The following XPO6 variants were observed in gnomAD, a reference collection of about 807,000 sequenced individuals.
XPO6 encodes the protein exportin 6, also known as exportin-6.
A neutral mutation model predicts 130.0 loss-of-function variants in XPO6; 3 were observed. The ratio of observed to expected loss-of-function variants is 0.02; its 90% CI spans 0.01 to 0.06. The LOEUF (loss-of-function observed/expected upper bound fraction) is 0.06. Ranked by LOEUF, XPO6 falls within the 10% of genes least tolerant of loss-of-function variation. The pLI, the probability that XPO6 is intolerant of heterozygous loss-of-function variation, is 1.00. For missense variants in XPO6, 970 were observed against 1,393.0 expected (o/e 0.70, Z 4.83); for synonymous variants, 524 against 548.9 (o/e 0.95, Z 0.63).
At chr16:28,118,503 G>C (rs891335375) in intron 14 of XPO6, among the ~76,000 whole-genome samples, 2 of 152,092 alleles carry the variant, frequency 1.3e-5, no homozygotes, top group African/African-American at 2.4e-5. Flanking sequence ...TGGGATTACA[G>C]GTCCATGCCA....
chr16:28,146,981 G>A (rs376427646), intron 8 of XPO6, among the ~76,000 whole-genome samples: 8 of 152,124 alleles, frequency 5.3e-5, no homozygotes, highest in Non-Finnish European at 1.0e-4. Context: ...ATGCATTCAG[G>A]TTCAACTTGT....
chr16:28,205,960 C>T (rs1314982471), intron 1 of XPO6, among the ~76,000 whole-genome samples: 3 of 149,396 alleles, frequency 2.0e-5, no homozygotes, highest in African/African-American at 7.4e-5. Context: ...ATCGCTTGAA[C>T]CCAGGAGGTA....
intron 12 of XPO6, among the ~76,000 whole-genome samples, chr16:28,129,952 C>A (rs574808606): frequency 1.3e-5 from 2 of 152,284 alleles, no homozygotes; most frequent in East Asian, 3.9e-4. Flanking sequence ...AGGGGAACAC[C>A]ACCAATGAGG....
intron 1 of XPO6, among the ~76,000 whole-genome samples, chr16:28,210,240 A>T (rs2044103933): frequency 6.6e-6 from 1 of 152,174 alleles, no homozygotes; most frequent in Non-Finnish European, 1.5e-5. Flanking sequence ...ATATCTCAGG[A>T]CCTACACACT....
chr16:28,139,428 G>A (rs2042844013), intron 9 of XPO6, among the ~76,000 whole-genome samples: 1 of 151,988 alleles, frequency 6.6e-6, no homozygotes. Flanking sequence ...TAATAGAGAA[G>A]GTAAACAATA....
At position 28,106,021 on chromosome 16, in the gene XPO6, A is replaced by G. The variant is rs1374780037; in HGVS notation, c.2784+22T>C. 4.4e-6 allele frequency: 7 copies of G among 1,607,056 alleles called. No individual in the cohort carries two copies. Among genetic ancestry groups the G allele is most frequent in the Non-Finnish European group, 5.1e-6 (6 of 1,174,232 alleles). On this transcript the variant is annotated intron_variant, in intron 20 of 23. Coordinates refer to ENST00000304658, the MANE Select transcript of XPO6 (RefSeq NM_015171.4). The surrounding 1 kb of genome is among the most constrained non-coding windows in gnomAD (Gnocchi z 4.2). Reference sequence around the variant, plus strand: ...AATCTGGAGATGGGGGGTGCTGCACAGGGGACCGTCTGAGCCCCTACCTCG... The same window carrying G: ...AATCTGGAGATGGGGGGTGCTGCACGGGGGACCGTCTGAGCCCCTACCTCG...
At chr16:28,185,607 T>C (rs1469552447) in intron 1 of XPO6, among the ~76,000 whole-genome samples, 6 of 152,182 alleles carry the variant, frequency 3.9e-5, no homozygotes, top group Admixed American at 6.5e-5. Context: ...TCAGACTCTT[T>C]AGAAACTGTA....
Position 28,211,514 on chromosome 16 carries a change from G to T in XPO6, c.-146C>A. 2 of 1,015,886 alleles carry T rather than the reference G, an allele frequency of 2.0e-6. No homozygotes were observed. The highest frequency in any genetic ancestry group is 2.6e-6 in the Non-Finnish European group (2 of 775,728). 62.9% of individuals were successfully genotyped at this position (1,015,886 alleles called of 1,614,324 possible). A position where few individuals can be genotyped will look rare whatever the true frequency, so the allele number is the denominator to read the frequency against. On this transcript the variant is annotated 5_prime_UTR_variant, in exon 1 of 24. Coordinates refer to ENST00000304658, the MANE Select transcript of XPO6 (RefSeq NM_015171.4). The stretch of plus-strand genomic sequence containing the variant: ...CCCCTTCCCCACCGGGCCCCGAGGG[G>T]ACCCTCTAAAAAGGGCAGGGCCGCC...
At chr16:28,102,688 A>G (rs1208016071) in intron 21 of XPO6, among the ~76,000 whole-genome samples, 1 of 152,194 alleles carries the variant, frequency 6.6e-6, no homozygotes, top group Non-Finnish European at 1.5e-5. Context: ...CAGTAAGCTG[A>G]GATCCTACCA....
At chr16:28,109,217 T>TATA (rs1360630427) in intron 17 of XPO6, among the ~76,000 whole-genome samples, 1 of 151,854 alleles carries the variant, frequency 6.6e-6, no homozygotes, top group East Asian at 1.9e-4. Flanking sequence ...ACTATAAGTA[T>TATA]ATAATAATAG....
At chr16:28,192,157 G>A (rs1287886899) in intron 1 of XPO6, among the ~76,000 whole-genome samples, 1 of 150,972 alleles carries the variant, frequency 6.6e-6, no homozygotes, top group Non-Finnish European at 1.5e-5. Context: ...CAGCTACTCA[G>A]GAGGCTGAGG....
In XPO6 at chr16:28,176,094, T is replaced by C; in HGVS notation, c.209A>G (p.Asn70Ser). 6.2e-7 allele frequency: 1 copy of C among 1,614,082 alleles called. No homozygotes were observed. Among genetic ancestry groups the C allele is most frequent in the Non-Finnish European group, 8.5e-7 (1 of 1,179,994 alleles). ...CCCAAGCCACATTTTATTGATCAGATTCTGAAAAACAAATATACATCTTTT... is the reference window on the plus strand; with the variant it reads ...CCCAAGCCACATTTTATTGATCAGACTCTGAAAAACAAATATACATCTTTT... ...VMMYSLTVFE[N>S]LINKMWLGVP... is the part of the protein sequence containing the mutation. Residue 70 changes from asparagine to serine, a missense_variant and splice_region_variant, in exon 4 of 24, where the codon AAT becomes AGT. By Grantham distance (46) the Asn-to-Ser change is conservative (BLOSUM62 1). This residue lies in a region of XPO6 where 13 missense variants were observed against 32.0 expected (regional missense o/e 0.41). Coordinates refer to ENST00000304658, the MANE Select transcript of XPO6 (RefSeq NM_015171.4).
intron 8 of XPO6, among the ~76,000 whole-genome samples, chr16:28,149,973 T>G (rs2043057288): frequency 6.6e-6 from 1 of 152,212 alleles, no homozygotes; most frequent in African/African-American, 2.4e-5. Flanking sequence ...ATCATTTAAT[T>G]TCTTATTCTT....
chr16:28,125,125 C>A (rs2087361450), intron 13 of XPO6, among the ~76,000 whole-genome samples: 1 of 152,114 alleles, frequency 6.6e-6, no homozygotes, highest in Non-Finnish European at 1.5e-5. Context: ...GAAAAGGAGC[C>A]CAGTGGTGAA....
chr16:28,208,164 A>G (rs931650162), intron 1 of XPO6, among the ~76,000 whole-genome samples: 1 of 152,190 alleles, frequency 6.6e-6, no homozygotes, highest in African/African-American at 2.4e-5. Flanking sequence ...GAAAGAAAAA[A>G]CAAGTAATGA....
rs190732964 is a variant in XPO6, at chr16:28,204,378, G to A, written c.3+6988C>T. ...GAAGGCCCCACTGGAAAAGTGACTCGAGGCTTAAAGGTTTAGTCAAGCAGA... is the reference window on the plus strand; with the variant it reads ...GAAGGCCCCACTGGAAAAGTGACTCAAGGCTTAAAGGTTTAGTCAAGCAGA... On this transcript the variant is annotated intron_variant, in intron 1 of 23. Transcript: ENST00000304658. 1.9e-3 allele frequency among the ~76,000 whole-genome samples: 282 copies of A among 151,988 alleles called. 1 individual carries two copies. Among genetic ancestry groups the A allele is most frequent in the African/African-American group, 6.3e-3 (260 of 41,450 alleles).
At chr16:28,115,025 C>T (rs909549354) in intron 15 of XPO6, among the ~76,000 whole-genome samples, 3 of 152,184 alleles carry the variant, frequency 2.0e-5, no homozygotes, top group Admixed American at 6.5e-5. Flanking sequence ...CTTCAGACTC[C>T]GCCTCTAGTT....
chr16:28,198,645 G>GA (rs1324964588), intron 1 of XPO6, among the ~76,000 whole-genome samples: 2 of 146,858 alleles, frequency 1.4e-5, no homozygotes, highest in South Asian at 2.1e-4. Flanking sequence ...CCTGATACAA[G>GA]AAAAAAAATA....
At chr16:28,163,879 T>C (rs1424987997) in intron 6 of XPO6, among the ~76,000 whole-genome samples, 1 of 152,196 alleles carries the variant, frequency 6.6e-6, no homozygotes, top group Non-Finnish European at 1.5e-5. Flanking sequence ...ATGCAACCCC[T>C]GGCAAGCTTC....
Sources: allele counts gnomAD v4.1 joint callset (sites outside exome capture counted in the v4.1 genomes callset), GRCh38; gene constraint gnomAD v4.1.1; regional missense constraint gnomAD v4.1.1; non-coding constraint Gnocchi (gnomAD v3.1); transcripts MANE v1.5; gene names NCBI Gene and HGNC (gene_info 2026-07-23, HGNC 2026-07-21).